The following RPA1 variants were observed in gnomAD, a reference collection of about 807,000 sequenced individuals.
RPA1 encodes replication protein A1.
In RPA1, 49 loss-of-function variants were observed where a neutral mutation model predicts 83.0. The ratio of observed to expected loss-of-function variants is 0.59; its 90% CI spans 0.47 to 0.75. The LOEUF (loss-of-function observed/expected upper bound fraction) is 0.75. Among genes scored for constraint, RPA1 ranks in the 30% least tolerant of loss-of-function variants. The pLI, the probability that RPA1 is intolerant of heterozygous loss-of-function variation, is 0.00. For synonymous variants in RPA1, 279 were observed against 281.8 expected (o/e 0.99, Z 0.10); for missense variants, 693 against 776.1 (o/e 0.89, Z 1.27).
intron 13 of RPA1, among the ~76,000 whole-genome samples, chr17:1,885,730 G>A (rs1312685163): frequency 6.6e-6 from 1 of 152,136 alleles, no homozygotes; most frequent in Non-Finnish European, 1.5e-5. Flanking sequence ...GTGAGCGACT[G>A]TGCCCAGCCA....
At position 1,875,678 on chromosome 17, in the gene RPA1, G is replaced by A. The variant is rs139462896; in HGVS notation, c.472G>A (p.Ala158Thr). The A allele has an allele frequency of 2.8e-5, 45 of 1,613,842 alleles. No homozygotes were observed. Among genetic ancestry groups the A allele is most frequent in the Non-Finnish European group, 3.8e-5 (45 of 1,179,952 alleles). ...TTTTAAAGGTTCTACTGTTTCTAAG[G>A]CTTATGGTGCTTCAAAGACATTTGG... is the stretch of plus-strand genomic sequence containing the variant. ...SSGMGSTVSK[A>T]YGASKTFGKA... Residue 158 changes from alanine (A) to threonine (T), a missense_variant, in exon 7 of 17, where the codon GCT (alanine) becomes ACT (threonine). Ala to Thr is a moderately conservative substitution (Grantham distance 58). Transcript: ENST00000254719.
chr17:1,856,254 G>C lies in RPA1; in HGVS notation c.361+3065G>C, dbSNP rs146996816. Among the ~76,000 whole-genome samples the C allele has an allele frequency of 6.5e-3, 981 of 151,560 alleles. 13 individuals are homozygous for C. Among genetic ancestry groups the C allele is most frequent in the African/African-American group, 0.023 (937 of 41,220 alleles). On this transcript the variant is annotated intron_variant, in intron 5 of 16. Coordinates refer to ENST00000254719, the MANE Select transcript of RPA1 (RefSeq NM_002945.5). Reference sequence around the variant, plus strand: ...GGAGGTGGAGGTTGCAGTAAGCCGAGATGGCACCAGTGCACTCTAGCCTGG... The same window carrying C: ...GGAGGTGGAGGTTGCAGTAAGCCGACATGGCACCAGTGCACTCTAGCCTGG...
intron 7 of RPA1, 91 bp from the exon 8 acceptor site, chr17:1,877,121 G>C (rs569013758): frequency 8.2e-7 from 1 of 1,221,734 alleles, no homozygotes; most frequent in South Asian, 1.3e-5. Flanking sequence ...CGGAATATGC[G>C]TAAGACGAGA....
At chr17:1,878,696 C>T (rs4638622) in intron 8 of RPA1, among the ~76,000 whole-genome samples, 29,362 of 152,142 alleles carry the variant, frequency 0.19, 3,156 homozygotes, top group East Asian at 0.4. Context: ...AAATTAAACT[C>T]GTCATTGCCG....
At chr17:1,841,721 A>G (rs1912053370) in intron 1 of RPA1, among the ~76,000 whole-genome samples, 1 of 152,120 alleles carries the variant, frequency 6.6e-6, no homozygotes, top group Non-Finnish European at 1.5e-5. Flanking sequence ...TCTTAGTAGC[A>G]TATTATTGTC....
chr17:1,861,118 C>T (rs886119789), intron 5 of RPA1, among the ~76,000 whole-genome samples: 2 of 152,168 alleles, frequency 1.3e-5, no homozygotes, highest in South Asian at 2.1e-4. Context: ...GGCCTCAGAT[C>T]GTGTCCACAC....
intron 15 of RPA1, among the ~76,000 whole-genome samples, chr17:1,894,103 A>G (rs2151293021): frequency 6.7e-6 from 1 of 148,734 alleles, no homozygotes; most frequent in East Asian, 2.0e-4. Flanking sequence ...TCCTGGCCTC[A>G]AGCAGTCCTC....
At position 1,883,783 on chromosome 17, in the gene RPA1, T is replaced by C. The variant is rs372498467; in HGVS notation, c.1242-29T>C. On this transcript the variant is annotated intron_variant, in intron 12 of 16. Coordinates refer to ENST00000254719, the MANE Select transcript of RPA1 (RefSeq NM_002945.5). ...AGCAGAAGCATGTCACATCAAGCGC[T>C]CGTCATCGTTATTCGTTCACGTTTT... 4 of 1,613,328 alleles carry C rather than the reference T, an allele frequency of 2.5e-6. No homozygotes were observed. In the African/African-American group the frequency reaches 5.3e-5, roughly 22 times the overall value.
Position 1,896,257 on chromosome 17 carries a change from C to T in RPA1, c.1747-814C>T, listed in dbSNP as rs553041812. Among the ~76,000 whole-genome samples, 5 of 152,160 alleles carry T rather than the reference C, an allele frequency of 3.3e-5. No homozygotes were observed. In the South Asian group the frequency reaches 6.2e-4, roughly 19 times the overall value. The stretch of plus-strand genomic sequence containing the variant: ...CTTTTGATCATGCTTACGAGTATCA[C>T]GGGATTTAGTACCGACCAAGCACAC... On this transcript the variant is annotated intron_variant, in intron 16 of 16. Transcript: ENST00000254719.
At chr17:1,893,399 T>C (rs1243349474) in intron 15 of RPA1, among the ~76,000 whole-genome samples, 1 of 152,252 alleles carries the variant, frequency 6.6e-6, no homozygotes, top group African/African-American at 2.4e-5. Flanking sequence ...TGTAATTTTC[T>C]CAAGCTTTAA....
At chr17:1,856,062 A>C (rs1035792200) in intron 5 of RPA1, among the ~76,000 whole-genome samples, 1 of 152,118 alleles carries the variant, frequency 6.6e-6, no homozygotes, top group Non-Finnish European at 1.5e-5. Context: ...AGTGGCTCAC[A>C]CTTGTAATCC....
intron 12 of RPA1, among the ~76,000 whole-genome samples, chr17:1,882,974 A>T (rs1016928196): frequency 6.6e-6 from 1 of 152,130 alleles, no homozygotes; most frequent in Non-Finnish European, 1.5e-5. Context: ...TCTCTTCACC[A>T]CTGGGGGGCA....
chr17:1,891,324 G>A (rs1217948615), intron 14 of RPA1, among the ~76,000 whole-genome samples: 1 of 152,174 alleles, frequency 6.6e-6, no homozygotes, highest in Non-Finnish European at 1.5e-5. Context: ...TGACAGAGCC[G>A]TCTCATGGAA....
At position 1,897,177 on chromosome 17, in the gene RPA1, A is replaced by C; in HGVS notation, c.*2A>C. The C allele has an allele frequency of 6.4e-7, 1 of 1,550,598 alleles. No individual in the cohort carries two copies. Reference sequence around the variant, plus strand: ...ATCAGGAGAAGTGCATTGATGTGAGAGGAGCAGTGCCAATCGGGCAGAAGT... The same window carrying C: ...ATCAGGAGAAGTGCATTGATGTGAGCGGAGCAGTGCCAATCGGGCAGAAGT... On this transcript the variant is annotated 3_prime_UTR_variant, in exon 17 of 17. Coordinates refer to ENST00000254719, the MANE Select transcript of RPA1 (RefSeq NM_002945.5).
intron 5 of RPA1, among the ~76,000 whole-genome samples, chr17:1,858,913 T>A (rs35470694): frequency 0.062 from 9,434 of 151,062 alleles, 927 homozygotes; most frequent in African/African-American, 0.21. Flanking sequence ...TATTTTTTTT[T>A]TTTTTTTGAG....
intron 1 of RPA1, among the ~76,000 whole-genome samples, chr17:1,837,813 A>G (rs1342616369): frequency 6.6e-6 from 1 of 152,172 alleles, no homozygotes; most frequent in Non-Finnish European, 1.5e-5. Context: ...GATTCTTGCT[A>G]GGTCTTTTGT....
At chr17:1,889,032 G>A (rs1447287959) in intron 14 of RPA1, among the ~76,000 whole-genome samples, 181 bp downstream of exon 14, 1 of 152,172 alleles carries the variant, frequency 6.6e-6, no homozygotes, top group African/African-American at 2.4e-5. Flanking sequence ...AGATACCCCA[G>A]CTGATTCAGT....
chr17:1,852,983 A>G (rs1912555362), intron 4 of RPA1, 118 bp from the exon 5 acceptor site: 2 of 762,650 alleles, frequency 2.6e-6, no homozygotes, highest in African/African-American at 3.5e-5. Context: ...ATTTATGTAA[A>G]CAGATGACAA....
chr17:1,880,629 G>T lies in RPA1; in HGVS notation c.1179G>T (p.Val393=). 1 of 1,614,048 alleles carries T rather than the reference G, an allele frequency of 6.2e-7. No homozygotes were observed. The highest frequency in any genetic ancestry group is 8.5e-7 in the Non-Finnish European group (1 of 1,180,016). The change falls in exon 12 of 17, where the codon GTG becomes GTT. Residue 393 remains valine, a synonymous_variant. Transcript: ENST00000254719. ...VSDFGGRSLS[V]LSSSTIIANP... ...ATTTCGGTGGACGGAGCCTCTCCGT[G>T]CTGTCTTCAAGCACTATCATTGCGA...
Sources: gnomAD v4.1 joint callset for allele counts (sites outside exome capture counted in the v4.1 genomes callset) on GRCh38, gnomAD v4.1.1 for gene constraint, MANE v1.5 for transcripts, NCBI Gene and HGNC (gene_info 2026-07-23, HGNC 2026-07-21) for gene names.